Variants in ZFHX3 observed in about 807,000 individuals in gnomAD.
ZFHX3 encodes the protein zinc finger homeobox 3, also known as zinc finger homeobox protein 3.
In ZFHX3, 42 loss-of-function variants were observed where a neutral mutation model predicts 279.1. The ratio of observed to expected loss-of-function variants is 0.15; its 90% confidence interval spans 0.12 to 0.19. ZFHX3 has a LOEUF of 0.19. ZFHX3 is among the 10% of genes least tolerant of loss of function. The pLI is 1.00. For missense variants in ZFHX3, 4,981 were observed against 4,754.0 expected (o/e 1.05, Z -1.40); for synonymous variants, 2,293 against 1,957.8 (o/e 1.17, Z -4.52).
chr16:73,641,933 G>A (rs1183495479), intron 2 of ZFHX3, among the ~76,000 whole-genome samples: 4 of 152,098 alleles, frequency 2.6e-5, no homozygotes, highest in Admixed American at 6.5e-5. Context: ...AGATGCAAAC[G>A]AGATAGGTGA....
intron 4 of ZFHX3, among the ~76,000 whole-genome samples, chr16:72,848,677 C>T (rs1292260047): frequency 6.7e-6 from 1 of 149,784 alleles, no homozygotes; most frequent in African/African-American, 2.5e-5. Context: ...ACCTCCTGGC[C>T]TGCCAGTGCC....
At chr16:73,427,691 T>G (rs1004001763) in intron 3 of ZFHX3, among the ~76,000 whole-genome samples, 1 of 152,176 alleles carries the variant, frequency 6.6e-6, no homozygotes, top group African/African-American at 2.4e-5. Context: ...ATCCTAGCAC[T>G]TTGGGAGGCC....
chr16:73,227,452 T>A (rs2012630990), intron 5 of ZFHX3, among the ~76,000 whole-genome samples: 1 of 152,200 alleles, frequency 6.6e-6, no homozygotes, highest in South Asian at 2.1e-4. Context: ...ACCACCTTTT[T>A]CTTCCTTCCA....
intron 5 of ZFHX3, among the ~76,000 whole-genome samples, chr16:73,227,787 T>C (rs766141727): frequency 4.4e-5 from 6 of 135,946 alleles, no homozygotes; most frequent in Non-Finnish European, 6.1e-5. Flanking sequence ...AGGCAGAGAT[T>C]GCAGTGAGTC....
intron 1 of ZFHX3, among the ~76,000 whole-genome samples, chr16:73,879,703 A>G (rs1306294838): frequency 6.6e-6 from 1 of 152,182 alleles, no homozygotes; most frequent in Admixed American, 6.5e-5. Flanking sequence ...ATGTATAGGT[A>G]TAAGTGTAAG....
chr16:72,907,959 C>A (rs1283322302), intron 3 of ZFHX3, among the ~76,000 whole-genome samples: 1 of 152,096 alleles, frequency 6.6e-6, no homozygotes, highest in Non-Finnish European at 1.5e-5. Flanking sequence ...GCTGGGATTA[C>A]AGCATTAGCC....
At position 73,581,372 on chromosome 16, in the gene ZFHX3, A is replaced by G. The variant is rs755064505; in HGVS notation, c.-1547+98808T>C. Among the ~76,000 whole-genome samples, 132 of 151,950 alleles carry G rather than the reference A, an allele frequency of 8.7e-4. 1 individual carries two copies. The highest frequency in any genetic ancestry group is 3.8e-4 in the Non-Finnish European group (26 of 68,006). ...ACTATAGCAGTTGTAAACAAAACTT[A>G]CTTGTTTCTACTTTCATATACTGTT... On this transcript the variant is annotated intron_variant, in intron 2 of 17. Transcript: ENST00000641206.
At chr16:72,964,307 C>T (rs1961725714) in intron 1 of ZFHX3, among the ~76,000 whole-genome samples, 1 of 152,088 alleles carries the variant, frequency 6.6e-6, no homozygotes, top group Non-Finnish European at 1.5e-5. Flanking sequence ...CAAAAACAGA[C>T]CCTAAATAAA....
chr16:73,241,365 T>C (rs1260542713), intron 5 of ZFHX3, among the ~76,000 whole-genome samples: 1 of 152,192 alleles, frequency 6.6e-6, no homozygotes, highest in South Asian at 2.1e-4. Flanking sequence ...TAAAACGCAA[T>C]GCTACCCTTT....
intron 2 of ZFHX3, among the ~76,000 whole-genome samples, chr16:73,551,763 A>C (rs564503169): frequency 6.6e-6 from 1 of 152,354 alleles, no homozygotes; most frequent in South Asian, 2.1e-4. Flanking sequence ...CCACTTGATT[A>C]CATCCTGTCC....
intron 5 of ZFHX3, among the ~76,000 whole-genome samples, chr16:73,226,424 G>A (rs918707230): frequency 5.3e-5 from 8 of 152,346 alleles, no homozygotes; most frequent in Admixed American, 3.9e-4. Context: ...TAAAAAGTGC[G>A]CTCCTGCTTT....
intron 1 of ZFHX3, among the ~76,000 whole-genome samples, chr16:73,845,000 C>A (rs979900245): frequency 6.6e-6 from 1 of 152,064 alleles, no homozygotes; most frequent in African/African-American, 2.4e-5. Flanking sequence ...GCTGCTGGAA[C>A]CCAAAATGAG....
chr16:72,865,503 C>T (rs1310898967), intron 4 of ZFHX3, among the ~76,000 whole-genome samples: 1 of 152,224 alleles, frequency 6.6e-6, no homozygotes, highest in Admixed American at 6.5e-5. Context: ...TGGTGAGCTC[C>T]CAGAATGAAC....
At chr16:73,248,692 A>G (rs556081323) in intron 5 of ZFHX3, among the ~76,000 whole-genome samples, 12 of 150,678 alleles carry the variant, frequency 8.0e-5, no homozygotes, top group Admixed American at 4.7e-4. Flanking sequence ...TTGTGGCTCA[A>G]TGGAGGCTAT....
intron 5 of ZFHX3, among the ~76,000 whole-genome samples, 189 bp from the exon 6 acceptor site, chr16:72,812,227 C>G (rs1597264150): frequency 6.6e-6 from 1 of 152,122 alleles, no homozygotes; most frequent in East Asian, 1.9e-4. Context: ...TCTTTCTCCC[C>G]CATGAATTTC....
At chr16:73,112,848 C>G (rs1409785173) in intron 7 of ZFHX3, among the ~76,000 whole-genome samples, 2 of 151,948 alleles carry the variant, frequency 1.3e-5, no homozygotes, top group Non-Finnish European at 2.9e-5. Context: ...GAGGAGGGTC[C>G]TAGCTGCTGC....
chr16:73,146,273 C>G (rs902935321), intron 5 of ZFHX3, among the ~76,000 whole-genome samples: 1 of 152,004 alleles, frequency 6.6e-6, no homozygotes, highest in Non-Finnish European at 1.5e-5. Context: ...ACTAAAAATA[C>G]AAAAATTAAC....
intron 2 of ZFHX3, among the ~76,000 whole-genome samples, chr16:73,599,762 T>C (rs2052091924): frequency 6.6e-6 from 1 of 151,118 alleles, no homozygotes; most frequent in African/African-American, 2.4e-5. Context: ...ACCTAAACCT[T>C]TAACAGCCCA....
rs377134676 is a variant in ZFHX3 at position 73,316,141 on chromosome 16, A to C, written c.-1194+2099T>G. Among the ~76,000 whole-genome samples the C allele has an allele frequency of 1.7e-3, 258 of 152,342 alleles. 2 individuals are homozygous for C. The highest frequency in any genetic ancestry group is 5.8e-3 in the African/African-American group (241 of 41,578). On this transcript the variant is annotated intron_variant, in intron 4 of 17. Coordinates refer to the ZFHX3 transcript ENST00000641206. ...AAATAAATCCGGAAGCTTCTAGTCT[A>C]ACCCAAACCTCAGGTGTTCTAGCAA...
Sources: allele counts gnomAD v4.1 joint callset (sites outside exome capture counted in the v4.1 genomes callset), GRCh38; gene constraint gnomAD v4.1.1; transcripts MANE v1.5; gene names NCBI Gene and HGNC (gene_info 2026-07-23, HGNC 2026-07-21).